The following CNTNAP2 variants were observed in gnomAD, a reference collection of about 807,000 sequenced individuals.
CNTNAP2 encodes contactin-associated protein-like 2.
In CNTNAP2, 98 loss-of-function variants were observed where a neutral mutation model predicts 155.2. That is an observed-to-expected ratio of 0.63 (90% CI 0.54 to 0.75). The LOEUF is 0.75. Ranked by LOEUF, CNTNAP2 falls within the 30% of genes least tolerant of loss-of-function variation. The pLI is 0.00. For synonymous variants in CNTNAP2, 651 were observed against 631.2 expected, an observed-to-expected ratio of 1.03 and a Z score of -0.47; for missense variants, 1,727 against 1,688.1, an observed-to-expected ratio of 1.02 and a Z score of -0.40.
intron 13 of CNTNAP2, among the ~76,000 whole-genome samples, chr7:147,722,267 T>A (rs754117722): frequency 9.9e-5 from 15 of 152,172 alleles, no homozygotes; most frequent in Non-Finnish European, 1.8e-4. Context: ...CAATTAATCT[T>A]ACATTAATTA....
At chr7:148,099,047 A>C (rs1804036424) in intron 15 of CNTNAP2, among the ~76,000 whole-genome samples, 1 of 152,166 alleles carries the variant, frequency 6.6e-6, no homozygotes, top group Non-Finnish European at 1.5e-5. Flanking sequence ...GGAAGGAAGA[A>C]ATTGCTTTAT....
intron 8 of CNTNAP2, among the ~76,000 whole-genome samples, chr7:147,211,706 A>G (rs1239975594): frequency 2.0e-5 from 3 of 152,088 alleles, no homozygotes; most frequent in Non-Finnish European, 4.4e-5. Context: ...GAATCCTAGA[A>G]GAAGACCTAA....
chr7:146,381,185 A>G (rs1211388965), intron 1 of CNTNAP2, among the ~76,000 whole-genome samples: 1 of 152,104 alleles, frequency 6.6e-6, no homozygotes, highest in Non-Finnish European at 1.5e-5. Flanking sequence ...ACATGTCACA[A>G]GCAGAGACTC....
intron 1 of CNTNAP2, among the ~76,000 whole-genome samples, chr7:146,233,000 G>C (rs930055294): frequency 6.6e-6 from 1 of 152,066 alleles, no homozygotes; most frequent in Admixed American, 6.6e-5. Context: ...CAATCTATTG[G>C]AATGTAATCC....
intron 1 of CNTNAP2, among the ~76,000 whole-genome samples, chr7:146,232,263 G>A (rs1353581878): frequency 6.9e-6 from 1 of 145,132 alleles, no homozygotes; most frequent in Non-Finnish European, 1.5e-5. Context: ...ATGCCTGTAT[G>A]TGTATGTGTG....
chr7:147,028,266 A>G (rs1798960775), intron 3 of CNTNAP2, among the ~76,000 whole-genome samples: 1 of 152,192 alleles, frequency 6.6e-6, no homozygotes, highest in African/African-American at 2.4e-5. Flanking sequence ...TAGAAGAGAG[A>G]TGGAAATGAG....
At chr7:147,912,630 G>A (rs1800086562) in intron 14 of CNTNAP2, among the ~76,000 whole-genome samples, 1 of 152,154 alleles carries the variant, frequency 6.6e-6, no homozygotes, top group South Asian at 2.1e-4. Context: ...ATCCAGGCAG[G>A]AGCCCAGCCC....
chr7:146,374,326 A>G (rs1173248612), intron 1 of CNTNAP2, among the ~76,000 whole-genome samples: 5 of 152,214 alleles, frequency 3.3e-5, no homozygotes, highest in Non-Finnish European at 7.4e-5. Flanking sequence ...CACAAATCTT[A>G]GCAATCTCGA....
chr7:146,866,229 G>T (rs1795202320), intron 3 of CNTNAP2, among the ~76,000 whole-genome samples: 2 of 151,956 alleles, frequency 1.3e-5, no homozygotes, highest in Admixed American at 6.6e-5. Flanking sequence ...GAAAGTCCAA[G>T]ATAAAAGAAA....
At chr7:146,814,733 C>T (rs1034905583) in intron 2 of CNTNAP2, among the ~76,000 whole-genome samples, 3 of 152,004 alleles carry the variant, frequency 2.0e-5, no homozygotes, top group African/African-American at 7.2e-5. Flanking sequence ...TTTAGCCATA[C>T]TCATTAACTT....
chr7:147,063,109 C>T (rs1054025425), intron 4 of CNTNAP2, among the ~76,000 whole-genome samples: 2 of 152,124 alleles, frequency 1.3e-5, no homozygotes, highest in African/African-American at 2.4e-5. Flanking sequence ...AAAGAGGAAA[C>T]GGCTCCTCCT....
At chr7:146,650,025 G>C (rs914473027) in intron 1 of CNTNAP2, among the ~76,000 whole-genome samples, 1 of 152,152 alleles carries the variant, frequency 6.6e-6, no homozygotes, top group Non-Finnish European at 1.5e-5. Flanking sequence ...AGATGCTGGA[G>C]AGGATGTGGA....
intron 8 of CNTNAP2, among the ~76,000 whole-genome samples, chr7:147,287,847 G>A (rs1213901214): frequency 6.6e-6 from 1 of 152,012 alleles, no homozygotes; most frequent in Non-Finnish European, 1.5e-5. Context: ...CACCAGTTGT[G>A]CTTCCAAAAC....
At chr7:147,094,564 G>T (rs1028476816) in intron 4 of CNTNAP2, among the ~76,000 whole-genome samples, 14 of 143,138 alleles carry the variant, frequency 9.8e-5, no homozygotes, top group African/African-American at 3.9e-4. Flanking sequence ...ACCACGCCTG[G>T]CTATTTTTTT....
intron 8 of CNTNAP2, among the ~76,000 whole-genome samples, chr7:147,132,734 A>T (rs1801402854): frequency 6.6e-6 from 1 of 152,140 alleles, no homozygotes; most frequent in African/African-American, 2.4e-5. Context: ...TTGAGATTGG[A>T]AAAGCAAAAT....
intron 13 of CNTNAP2, among the ~76,000 whole-genome samples, chr7:147,719,014 G>A (rs1180877574): frequency 1.3e-5 from 2 of 152,108 alleles, no homozygotes; most frequent in Non-Finnish European, 2.9e-5. Flanking sequence ...TTCTTAGGAA[G>A]AAAATAAGGA....
At chr7:146,892,123 G>A (rs937391641) in intron 3 of CNTNAP2, among the ~76,000 whole-genome samples, 3 of 152,174 alleles carry the variant, frequency 2.0e-5, no homozygotes, top group Admixed American at 6.5e-5. Context: ...GCCATCAGCT[G>A]AAATGGCTCA....
intron 8 of CNTNAP2, among the ~76,000 whole-genome samples, chr7:147,194,107 G>A (rs1172287969): frequency 3.3e-5 from 5 of 151,448 alleles, no homozygotes; most frequent in Non-Finnish European, 7.4e-5. Context: ...ACAGGCCCTG[G>A]TGTGTGATGT....
At chr7:147,823,383 T>C (rs1798391512) in intron 13 of CNTNAP2, among the ~76,000 whole-genome samples, 1 of 152,142 alleles carries the variant, frequency 6.6e-6, no homozygotes, top group Non-Finnish European at 1.5e-5. Context: ...TTAAATGAGA[T>C]TTCTACGTTG....
Sources: gnomAD v4.1 joint callset for allele counts (sites outside exome capture counted in the v4.1 genomes callset) on GRCh38, gnomAD v4.1.1 for gene constraint, MANE v1.5 for transcripts, NCBI Gene and HGNC (gene_info 2026-07-23, HGNC 2026-07-21) for gene names.